NCKAP5: variants seen among roughly 807,000 people sequenced by gnomAD.
The protein encoded by NCKAP5 is nck-associated protein 5.
NCKAP5 carries 92 observed loss-of-function variants against 167.0 expected under a neutral mutation model. The ratio of observed to expected loss-of-function variants is 0.55; its 90% confidence interval spans 0.47 to 0.66. The LOEUF is 0.66. NCKAP5 is among the 30% of genes least tolerant of loss of function. The pLI, the probability that NCKAP5 is intolerant of heterozygous loss-of-function variation, is 0.00. For missense variants in NCKAP5, 2,378 were observed against 2,315.0 expected, an observed-to-expected ratio of 1.03 and a Z score of -0.56; for synonymous variants, 891 against 877.4, an observed-to-expected ratio of 1.02 and a Z score of -0.27.
At chr2:133,251,354 G>A (rs2088314411) in intron 4 of NCKAP5, among the ~76,000 whole-genome samples, 3 of 152,038 alleles carry the variant, frequency 2.0e-5, no homozygotes, top group Admixed American at 2.0e-4. Context: ...ACATACAGTG[G>A]AGTGGAAAAG....
chr2:132,974,985 T>A (rs1322527902), intron 7 of NCKAP5, among the ~76,000 whole-genome samples: 2 of 152,344 alleles, frequency 1.3e-5, no homozygotes, highest in East Asian at 3.9e-4. Context: ...TATTTACTCA[T>A]TTGTTTTCTG....
chr2:132,773,859 T>C lies in NCKAP5; in HGVS notation c.5085A>G (p.Glu1695=). The change falls in exon 16 of 20, where the codon GAA becomes GAG. Residue 1695 remains glutamate (E), a synonymous_variant. Coordinates refer to ENST00000409261, the MANE Select transcript of NCKAP5 (RefSeq NM_207363.3). The part of the protein sequence containing the change: ...KEANENLQED[E]DDAVADSVFQ... ...ATACAGAATCTGCAACTGCATCGTCTTCATCCTCTTGCAAGTTTTCATTTG... is the reference window on the plus strand; with the variant it reads ...ATACAGAATCTGCAACTGCATCGTCCTCATCCTCTTGCAAGTTTTCATTTG... 3 of 1,611,298 alleles carry C rather than the reference T, an allele frequency of 1.9e-6. No individual in the cohort carries two copies. The highest frequency in any genetic ancestry group is 2.5e-6 in the Non-Finnish European group (3 of 1,179,112).
intron 5 of NCKAP5, among the ~76,000 whole-genome samples, chr2:133,170,486 A>G (rs1433798597): frequency 2.0e-5 from 3 of 152,206 alleles, no homozygotes; most frequent in Non-Finnish European, 4.4e-5. Flanking sequence ...TGAGTTCCCA[A>G]AGAATTCTGC....
Position 132,750,262 on chromosome 2 carries a change from A to G in NCKAP5, c.5129-18211T>C, listed in dbSNP as rs776583115. 6.4e-4 allele frequency among the ~76,000 whole-genome samples: 98 copies of G among 152,174 alleles called. 1 individual carries two copies. Among genetic ancestry groups the G allele is most frequent in the Non-Finnish European group, 1.9e-4 (13 of 68,028 alleles). On this transcript the variant is annotated intron_variant, in intron 16 of 19. Coordinates refer to ENST00000409261, the MANE Select transcript of NCKAP5 (RefSeq NM_207363.3). ...GGAAGCGTAAGGAAGACTTGACAGA[A>G]AATTTGATGAGAAGATGCAACAATC...
chr2:133,311,003 G>A (rs989276752), intron 3 of NCKAP5, among the ~76,000 whole-genome samples: 8 of 152,186 alleles, frequency 5.3e-5, no homozygotes, highest in South Asian at 2.1e-4. Context: ...TTCCCTATAC[G>A]TCAACCAAAC....
At chr2:132,729,364 C>T (rs1690767197) in intron 17 of NCKAP5, among the ~76,000 whole-genome samples, 1 of 152,136 alleles carries the variant, frequency 6.6e-6, no homozygotes, top group African/African-American at 2.4e-5. Flanking sequence ...GCGTAGTTTC[C>T]GAAGAGAGGA....
In NCKAP5 at chr2:132,810,179, C is replaced by A. The variant is rs139491743; in HGVS notation, c.808-13450G>T. 1.4e-3 allele frequency among the ~76,000 whole-genome samples: 214 copies of A among 152,058 alleles called. 1 individual carries two copies. Among genetic ancestry groups the A allele is most frequent in the African/African-American group, 4.9e-3 (203 of 41,540 alleles). On this transcript the variant is annotated intron_variant, in intron 11 of 19. Coordinates refer to ENST00000409261, the MANE Select transcript of NCKAP5 (RefSeq NM_207363.3). Reference sequence around the variant, plus strand: ...CTGTTAATCTTATAGGCTTTCCTTTCTAGGTTACCTGGTGCCTCTTAGGAT... The same window carrying A: ...CTGTTAATCTTATAGGCTTTCCTTTATAGGTTACCTGGTGCCTCTTAGGAT...
intron 11 of NCKAP5, among the ~76,000 whole-genome samples, chr2:132,847,796 T>A (rs545038658): frequency 6.6e-5 from 10 of 152,002 alleles, no homozygotes; most frequent in Non-Finnish European, 1.2e-4. Flanking sequence ...TACAAAAGAG[T>A]ATATCTTACA....
At chr2:133,665,271 T>A in the NCKAP5 span, among the ~76,000 whole-genome samples, 1 of 152,230 alleles carries the variant, frequency 6.6e-6, no homozygotes, top group African/African-American at 2.4e-5. Context: ...CCTTTTTCAC[T>A]AAGCTTAATC....
chr2:132,741,339 C>A (rs919598132), intron 16 of NCKAP5, among the ~76,000 whole-genome samples: 3 of 152,086 alleles, frequency 2.0e-5, no homozygotes, highest in Non-Finnish European at 4.4e-5. Context: ...TGCTTCACGT[C>A]TTGCTATGCT....
At chr2:133,332,132 A>G (rs969203231) in intron 3 of NCKAP5, among the ~76,000 whole-genome samples, 1 of 152,198 alleles carries the variant, frequency 6.6e-6, no homozygotes, top group African/African-American at 2.4e-5. Flanking sequence ...CTTTACATCT[A>G]ATGAGGACAT....
At chr2:132,777,814 A>G (rs984940118) in intron 15 of NCKAP5, among the ~76,000 whole-genome samples, 2 of 152,080 alleles carry the variant, frequency 1.3e-5, no homozygotes, top group African/African-American at 4.8e-5. Context: ...TACCATTTTA[A>G]TGGGATAGTA....
At chr2:133,025,609 A>T (rs1242455952) in intron 6 of NCKAP5, among the ~76,000 whole-genome samples, 6 of 152,186 alleles carry the variant, frequency 3.9e-5, no homozygotes. Flanking sequence ...ACACTCCACT[A>T]AATGTTAGCA....
chr2:133,235,295 G>T (rs772194584), intron 4 of NCKAP5, among the ~76,000 whole-genome samples: 10 of 152,022 alleles, frequency 6.6e-5, no homozygotes, highest in Admixed American at 2.6e-4. Flanking sequence ...CCAAACTGAG[G>T]TCACGCAAGG....
chr2:133,011,121 T>C (rs2078145101), intron 6 of NCKAP5, among the ~76,000 whole-genome samples: 1 of 152,158 alleles, frequency 6.6e-6, no homozygotes, highest in Non-Finnish European at 1.5e-5. Flanking sequence ...CAGAATACCA[T>C]GACACTATGC....
At chr2:132,968,131 A>G (rs1057464138) in intron 7 of NCKAP5, among the ~76,000 whole-genome samples, 1 of 152,214 alleles carries the variant, frequency 6.6e-6, no homozygotes, top group African/African-American at 2.4e-5. Flanking sequence ...GAGCTGGACC[A>G]TAGAGGGTCT....
chr2:132,971,865 C>T (rs1275198332), intron 7 of NCKAP5, among the ~76,000 whole-genome samples: 1 of 152,168 alleles, frequency 6.6e-6, no homozygotes, highest in Non-Finnish European at 1.5e-5. Flanking sequence ...GCCCTAGTGA[C>T]TCACAATACC....
the NCKAP5 span, among the ~76,000 whole-genome samples, chr2:133,589,055 A>G: frequency 6.6e-6 from 1 of 152,154 alleles, no homozygotes; most frequent in East Asian, 1.9e-4. Context: ...TGGACCCCCT[A>G]GTGGGTTTGG....
intron 11 of NCKAP5, among the ~76,000 whole-genome samples, chr2:132,826,434 G>A (rs1467377797): frequency 2.6e-5 from 4 of 152,102 alleles, no homozygotes; most frequent in Non-Finnish European, 5.9e-5. Flanking sequence ...ACTCAGGAAG[G>A]GCCTTCTGGA....
Sources: gnomAD v4.1 joint callset for allele counts (sites outside exome capture counted in the v4.1 genomes callset) on GRCh38, gnomAD v4.1.1 for gene constraint, MANE v1.5 for transcripts, NCBI Gene and HGNC (gene_info 2026-07-23, HGNC 2026-07-21) for gene names.